MEGF6: variants seen among roughly 807,000 people sequenced by gnomAD.
The protein encoded by MEGF6 is multiple epidermal growth factor-like domains protein 6.
A neutral mutation model predicts 207.1 loss-of-function variants in MEGF6; 184 were observed. The observed-to-expected ratio is 0.89, with a 90% CI of 0.79 to 1.00. The LOEUF is 1.00. Ranked by LOEUF, MEGF6 falls within the 50% of genes least tolerant of loss-of-function variation. The probability of loss-of-function intolerance (pLI) is 0.00; values close to 1 mark genes in which losing one functional copy is unlikely to be tolerated. For synonymous variants in MEGF6, 1,038 were observed against 910.0 expected (o/e 1.14, Z -2.53); for missense variants, 2,282 against 2,202.9 (o/e 1.04, Z -0.72).
At position 3,492,684 on chromosome 1, in the gene MEGF6, G is replaced by A. The variant is rs924299189; in HGVS notation, c.4471C>T (p.Gln1491Ter). 1 of 1,612,520 alleles carries A rather than the reference G, an allele frequency of 6.2e-7. No individual in the cohort carries two copies. The highest frequency in any genetic ancestry group is 1.3e-5 in the African/African-American group (1 of 74,894). Residue 1491 changes from glutamine to a stop codon, truncating the protein, a stop_gained, in exon 35 of 37, where the codon CAG becomes TAG. Coordinates refer to ENST00000356575, the MANE Select transcript of MEGF6 (RefSeq NM_001409.4). LOFTEE classifies it high-confidence loss of function. ...ATGTAGCCATCCACACAGTGACACT[G>A]CCCACTGACAGGGTCGCAGTCAGCC... ...GGADCDPVSG[Q>*]CHCVDGYMGP...
chr1:3,516,775 C>T lies in MEGF6; in HGVS notation c.605-1248G>A, dbSNP rs370706929. Among the ~76,000 whole-genome samples the T allele has an allele frequency of 6.6e-5, 10 of 152,308 alleles. No individual in the cohort carries two copies. The East Asian group carries it at 1.4e-3, about 21-fold the overall frequency. The stretch of plus-strand genomic sequence containing the variant: ...TGGCTTAAAAACCCACCGTGCTCGC[C>T]GTACCTGTCCCACAGGGGAGCAGGC... On this transcript the variant is annotated intron_variant, in intron 5 of 36. Coordinates refer to ENST00000356575, the MANE Select transcript of MEGF6 (RefSeq NM_001409.4).
chr1:3,488,208 G>A lies in MEGF6; in HGVS notation c.*2320C>T, dbSNP rs186028600. Among the ~76,000 whole-genome samples the A allele has an allele frequency of 2.0e-3, 309 of 152,290 alleles. No homozygotes were observed. The highest frequency in any genetic ancestry group is 6.6e-3 in the African/African-American group (276 of 41,562). On this transcript the variant is annotated 3_prime_UTR_variant, in exon 37 of 37. Coordinates refer to ENST00000356575, the MANE Select transcript of MEGF6 (RefSeq NM_001409.4). The stretch of plus-strand genomic sequence containing the variant: ...ACCGTTAACATTAGGATCTGTGAGC[G>A]TGTTTTCTAGTTATTCTGCTTTATT...
intron 4 of MEGF6, among the ~76,000 whole-genome samples, chr1:3,568,266 T>C (rs2101679430): frequency 6.6e-6 from 1 of 152,030 alleles, no homozygotes; most frequent in South Asian, 2.1e-4. Context: ...CACTGGGCCT[T>C]AGCCCTCAGT....
chr1:3,606,361 A>G (rs1017111959), intron 1 of MEGF6, among the ~76,000 whole-genome samples: 5 of 152,214 alleles, frequency 3.3e-5, no homozygotes, highest in African/African-American at 1.2e-4. Context: ...GGGATGCTGG[A>G]GCACACTCAA....
chr1:3,574,508 G>A (rs776604186), intron 4 of MEGF6, among the ~76,000 whole-genome samples: 3 of 150,314 alleles, frequency 2.0e-5, no homozygotes, highest in Non-Finnish European at 4.4e-5. Flanking sequence ...CCTGGACCCA[G>A]GAGTGAGGGT....
In MEGF6 at chr1:3,556,097, G is replaced by A. The variant is rs565636450; in HGVS notation, c.481+23728C>T. On this transcript the variant is annotated intron_variant, in intron 4 of 36. Transcript: ENST00000356575. This position sits in a 1 kb window ranked among gnomAD's most constrained non-coding sequence, Gnocchi z 4.4. Reference sequence around the variant, plus strand: ...TGGGCTGGGTTCAGAGACCTTGGGGGTGGGCTCCACCTGTTACAGCAGGAG... The same window carrying A: ...TGGGCTGGGTTCAGAGACCTTGGGGATGGGCTCCACCTGTTACAGCAGGAG... 1.2e-4 allele frequency among the ~76,000 whole-genome samples: 18 copies of A among 152,308 alleles called. No individual in the cohort carries two copies. The South Asian group carries it at 3.7e-3, about 32-fold the overall frequency.
At position 3,510,823 on chromosome 1, in the gene MEGF6, G is replaced by A. The variant is rs761981453; in HGVS notation, c.1194C>T (p.Tyr398=). 10 of 1,610,264 alleles carry A rather than the reference G, an allele frequency of 6.2e-6. No homozygotes were observed. Among genetic ancestry groups the A allele is most frequent in the African/African-American group, 2.7e-5 (2 of 74,914 alleles). ...CATCGGCACTGAGCCGGTAGCCGGCGTAGCAGCCGCACTCGTACCCGCCAG... is the reference window on the plus strand; with the variant it reads ...CATCGGCACTGAGCCGGTAGCCGGCATAGCAGCCGCACTCGTACCCGCCAG... ...NNPGGYECGC[Y]AGYRLSADGC... is the part of the protein sequence containing the mutation. Residue 398 remains tyrosine (Y), a synonymous_variant, in exon 10 of 37, where the codon TAC becomes TAT. Transcript: ENST00000356575.
chr1:3,535,788 G>A (rs893580328), intron 4 of MEGF6, among the ~76,000 whole-genome samples: 2 of 152,208 alleles, frequency 1.3e-5, no homozygotes, highest in Non-Finnish European at 2.9e-5. Flanking sequence ...AGAGAAGTGC[G>A]GCCCAGGGGA....
chr1:3,501,338 C>T (rs763242305), intron 18 of MEGF6, 30 bp from the exon 19 acceptor site: 8 of 1,573,598 alleles, frequency 5.1e-6, no homozygotes, highest in East Asian at 2.4e-5. Context: ...CCAGTCAGTG[C>T]CCAAGCTGCC....
At chr1:3,612,009 T>C (rs1377241756), upstream of MEGF6, among the ~76,000 whole-genome samples, 3 of 152,116 alleles carry the variant, frequency 2.0e-5, no homozygotes, top group African/African-American at 4.8e-5. Context: ...CCTCGGCTTG[T>C]CCTGCCCGTG....
At chr1:3,595,739 C>T (rs1216204173) in intron 2 of MEGF6, among the ~76,000 whole-genome samples, 10 of 152,194 alleles carry the variant, frequency 6.6e-5, no homozygotes, top group Non-Finnish European at 1.2e-4. Context: ...CCCTCCCTCC[C>T]GACGGTGGTC....
intron 4 of MEGF6, among the ~76,000 whole-genome samples, chr1:3,550,443 C>T (rs1359966292): frequency 1.3e-5 from 2 of 152,048 alleles, no homozygotes; most frequent in African/African-American, 4.8e-5. Context: ...GAAAATGTCT[C>T]GGAATGAGAT....
chr1:3,544,776 G>A (rs977406760), intron 4 of MEGF6, among the ~76,000 whole-genome samples: 5 of 152,130 alleles, frequency 3.3e-5, no homozygotes, highest in African/African-American at 4.8e-5. Flanking sequence ...ACACACCATC[G>A]AGTGGGGTTT....
chr1:3,579,136 G>A (rs991052544), intron 4 of MEGF6, among the ~76,000 whole-genome samples: 10 of 152,356 alleles, frequency 6.6e-5, no homozygotes, highest in Non-Finnish European at 1.3e-4. Context: ...GCTGTCTGAG[G>A]CCAGGATGAA....
chr1:3,512,171 AG>A, intron 7 of MEGF6, 43 bp from the exon 8 acceptor site: 1 of 1,562,376 alleles, frequency 6.4e-7, no homozygotes, highest in Non-Finnish European at 8.7e-7. Context: ...GGTGCCAGGA[AG>A]GGCCTTTGCA....
intron 4 of MEGF6, among the ~76,000 whole-genome samples, chr1:3,564,843 C>T (rs1441434905): frequency 1.3e-5 from 2 of 152,172 alleles, no homozygotes; most frequent in African/African-American, 2.4e-5. Flanking sequence ...ACAGACAGAC[C>T]TCCCCTCCTG....
chr1:3,593,582 T>C (rs1644014216), intron 3 of MEGF6, among the ~76,000 whole-genome samples: 1 of 149,018 alleles, frequency 6.7e-6, no homozygotes, highest in African/African-American at 2.5e-5. Context: ...CCACTTCCTC[T>C]CCCCGCCCCC....
intron 4 of MEGF6, among the ~76,000 whole-genome samples, chr1:3,540,950 C>T (rs1261690937): frequency 6.6e-6 from 1 of 152,220 alleles, no homozygotes; most frequent in Non-Finnish European, 1.5e-5. Context: ...GGCATGGGGA[C>T]TGGGAATGAG....
intron 4 of MEGF6, among the ~76,000 whole-genome samples, chr1:3,555,942 G>C (rs1020718854): frequency 1.1e-4 from 17 of 152,204 alleles, no homozygotes; most frequent in African/African-American, 3.9e-4. Flanking sequence ...TCTGGGGGAG[G>C]GACTGTGGCT....
Sources: allele counts gnomAD v4.1 joint callset (sites outside exome capture counted in the v4.1 genomes callset), GRCh38; gene constraint gnomAD v4.1.1; non-coding constraint Gnocchi (gnomAD v3.1); transcripts MANE v1.5; gene names NCBI Gene and HGNC (gene_info 2026-07-23, HGNC 2026-07-21).